Variants in SHANK2 observed in about 807,000 individuals in gnomAD.
SHANK2 encodes SH3 and multiple ankyrin repeat domains 2, also known as SH3 and multiple ankyrin repeat domains protein 2.
In SHANK2, 43 loss-of-function variants were observed where a neutral mutation model predicts 133.7. The observed-to-expected ratio is 0.32, with a 90% CI of 0.25 to 0.41. The LOEUF (loss-of-function observed/expected upper bound fraction) is 0.41, where lower values mean the gene tolerates loss of function less well. SHANK2 is among the 10% of genes least tolerant of loss of function. The probability of loss-of-function intolerance (pLI) is 1.00; values close to 1 mark genes in which losing one functional copy is unlikely to be tolerated. For missense variants in SHANK2, 1,994 were observed against 2,235.8 expected, an observed-to-expected ratio of 0.89 and a Z score of 2.18; for synonymous variants, 1,017 against 952.8, an observed-to-expected ratio of 1.07 and a Z score of -1.24.
At chr11:70,520,244 T>C (rs2059314385) in intron 17 of SHANK2, among the ~76,000 whole-genome samples, 1 of 152,194 alleles carries the variant, frequency 6.6e-6, no homozygotes, top group South Asian at 2.1e-4. Context: ...CCACATTTTA[T>C]TCGGATTTCT....
intron 2 of SHANK2, among the ~76,000 whole-genome samples, chr11:71,172,312 T>C (rs1555112342): frequency 6.6e-6 from 1 of 152,028 alleles, no homozygotes. Flanking sequence ...GTTACTTTAT[T>C]TACTTAAAAG....
chr11:70,925,334 G>A (rs939963042), intron 10 of SHANK2, among the ~76,000 whole-genome samples: 34 of 152,136 alleles, frequency 2.2e-4, no homozygotes, highest in Non-Finnish European at 4.7e-4. Context: ...CCGCCAAAGT[G>A]AAGAAAGCCC....
intron 17 of SHANK2, among the ~76,000 whole-genome samples, chr11:70,555,681 A>G (rs1185137157): frequency 1.3e-5 from 2 of 152,242 alleles, no homozygotes; most frequent in Admixed American, 1.3e-4. Context: ...AGCTGTGAAT[A>G]TGCCACTGCA....
intron 17 of SHANK2, among the ~76,000 whole-genome samples, chr11:70,627,991 G>A (rs1195152705): frequency 6.6e-6 from 1 of 152,040 alleles, no homozygotes; most frequent in East Asian, 1.9e-4. Context: ...ACAGAGTCTC[G>A]CTCTGTCGCC....
chr11:70,586,263 G>A (rs2060250388), intron 17 of SHANK2, among the ~76,000 whole-genome samples: 2 of 152,156 alleles, frequency 1.3e-5, no homozygotes, highest in Admixed American at 1.3e-4. Flanking sequence ...GCTGTGAGGT[G>A]GGCAGTGGGG....
At position 70,550,453 on chromosome 11, in the gene SHANK2, AC is replaced by A. The variant is rs573134315; in HGVS notation, c.2062-47523del. Among the ~76,000 whole-genome samples the A allele has an allele frequency of 1.2e-3, 177 of 152,190 alleles. 1 individual carries two copies. Among genetic ancestry groups the A allele is most frequent in the Admixed American group, 1.9e-3 (29 of 15,290 alleles). ...GTTTTTGGCAAATGCTGCGTTCTAC[AC>A]CCTGGACCCTGCTTCTCACTATACC... is the stretch of plus-strand genomic sequence containing the variant. On this transcript the variant is annotated intron_variant, in intron 17 of 25. Transcript: ENST00000601538.
At chr11:70,822,308 T>C (rs1160214203) in intron 11 of SHANK2, among the ~76,000 whole-genome samples, 2 of 152,228 alleles carry the variant, frequency 1.3e-5, no homozygotes, top group Non-Finnish European at 2.9e-5. Context: ...AAAACACGTG[T>C]CCTCCCTGGG....
At chr11:71,077,653 C>A in intron 8 of SHANK2, among the ~76,000 whole-genome samples, 1 of 151,996 alleles carries the variant, frequency 6.6e-6, no homozygotes, top group Middle Eastern at 3.4e-3. Flanking sequence ...TGTTTTAACC[C>A]CTGGTGGTTG....
At position 70,468,040 on chromosome 11, in the gene SHANK2, C is replaced by T. The variant is rs2058555591; in HGVS notation, c.*4829G>A. 6.6e-6 allele frequency: 1 copy of T among 152,572 alleles called. No homozygotes were observed. Among genetic ancestry groups the T allele is most frequent in the African/African-American group, 2.4e-5 (1 of 41,426 alleles). 9.5% of individuals were successfully genotyped at this position (152,572 alleles called of 1,614,324 possible). ...CAAGGCACTATAACTATTTTATCAG[C>T]TACATTAATACATTGAAGATATATT... On this transcript the variant is annotated 3_prime_UTR_variant, in exon 26 of 26. Coordinates refer to ENST00000601538, the MANE Select transcript of SHANK2 (RefSeq NM_012309.5).
Position 70,594,372 on chromosome 11 carries a change from C to A in SHANK2, c.2061+65456G>T, listed in dbSNP as rs140374083. 3.7e-3 allele frequency among the ~76,000 whole-genome samples: 567 copies of A among 152,250 alleles called. 4 individuals are homozygous for A. Among genetic ancestry groups the A allele is most frequent in the African/African-American group, 0.013 (536 of 41,546 alleles). On this transcript the variant is annotated intron_variant, in intron 17 of 25. Transcript: ENST00000601538. ...GCACAGACCCAAATCCAAGAATATTCAAAAGTCACACAGTTGGCCCTGAGG... is the reference window on the plus strand; with the variant it reads ...GCACAGACCCAAATCCAAGAATATTAAAAAGTCACACAGTTGGCCCTGAGG...
chr11:70,492,787 GTTTTTTTTTTTT>G lies in SHANK2; in HGVS notation c.2309-334_2309-323del, dbSNP rs34452642. 1.4e-4 allele frequency among the ~76,000 whole-genome samples: 10 copies of G among 70,590 alleles called. No homozygotes were observed. The East Asian group carries it at 3.5e-3, about 25-fold the overall frequency. 46.3% of individuals were successfully genotyped at this position (70,590 alleles called of 152,430 possible). A position where few individuals can be genotyped will look rare whatever the true frequency, so the allele number is the denominator to read the frequency against. On this transcript the variant is annotated intron_variant, in intron 21 of 25. Coordinates refer to ENST00000601538, the MANE Select transcript of SHANK2 (RefSeq NM_012309.5). ...TTTCTGTTTTTTGGGACATTTCTGT[GTTTTTTTTTTTT>G]TTTTTTTTTTTTTTGAGACAGTCTC...
intron 2 of SHANK2, among the ~76,000 whole-genome samples, chr11:71,149,779 T>C (rs1316813596): frequency 2.6e-5 from 3 of 116,308 alleles, no homozygotes; most frequent in Admixed American, 1.8e-4. Flanking sequence ...GATGGATGGA[T>C]GGATGAATGG....
At chr11:70,665,989 C>A (rs577036635) in intron 15 of SHANK2, among the ~76,000 whole-genome samples, 3 of 152,152 alleles carry the variant, frequency 2.0e-5, no homozygotes, top group African/African-American at 7.2e-5. Context: ...CACAGCACCC[C>A]GCATAGGCCA....
chr11:71,208,028 G>C (rs367871795), intron 2 of SHANK2, among the ~76,000 whole-genome samples: 1 of 152,012 alleles, frequency 6.6e-6, no homozygotes, highest in Non-Finnish European at 1.5e-5. Flanking sequence ...GGGCTCCCAA[G>C]AAAAGCTTTT....
At chr11:70,661,767 T>A (rs1555013462) in intron 15 of SHANK2, 89 bp from the exon 16 acceptor site, 1 of 1,614,022 alleles carries the variant, frequency 6.2e-7, no homozygotes, top group Non-Finnish European at 8.5e-7. Context: ...TTCATCATCA[T>A]AGCCAATTAA....
intron 17 of SHANK2, among the ~76,000 whole-genome samples, chr11:70,565,146 G>A (rs548800612): frequency 6.6e-6 from 1 of 152,258 alleles, no homozygotes; most frequent in Non-Finnish European, 1.5e-5. Flanking sequence ...CTTGTTGGGG[G>A]CGCTGGGTAG....
intron 17 of SHANK2, among the ~76,000 whole-genome samples, chr11:70,581,233 C>A (rs1454749814): frequency 6.6e-6 from 1 of 152,218 alleles, no homozygotes; most frequent in African/African-American, 2.4e-5. Flanking sequence ...AAACCACAAA[C>A]CTGACTGGCT....
At chr11:71,101,905 C>G (rs1401628743) in intron 6 of SHANK2, among the ~76,000 whole-genome samples, 1 of 152,204 alleles carries the variant, frequency 6.6e-6, no homozygotes, top group Non-Finnish European at 1.5e-5. Context: ...GCAATGAGTA[C>G]ACCCCGACCC....
intron 2 of SHANK2, among the ~76,000 whole-genome samples, chr11:71,200,805 AC>A (rs1403938615): frequency 6.6e-6 from 1 of 151,176 alleles, no homozygotes; most frequent in African/African-American, 2.4e-5. Context: ...TCACCAGACC[AC>A]AGAGAGGTAT....
Sources: allele counts gnomAD v4.1 joint callset (sites outside exome capture counted in the v4.1 genomes callset), GRCh38; gene constraint gnomAD v4.1.1; transcripts MANE v1.5; gene names NCBI Gene and HGNC (gene_info 2026-07-23, HGNC 2026-07-21).